The following CHCHD3 variants were observed in gnomAD, a reference collection of about 807,000 sequenced individuals.
The protein encoded by CHCHD3 is coiled-coil-helix-coiled-coil-helix domain containing 3, also known as MICOS complex subunit MIC19.
CHCHD3 carries 20 observed loss-of-function variants against 38.2 expected under a neutral mutation model. The ratio of observed to expected loss-of-function variants is 0.52; its 90% CI spans 0.37 to 0.76. CHCHD3 has a LOEUF of 0.76. Ranked by LOEUF, CHCHD3 falls within the 30% of genes least tolerant of loss-of-function variation. The probability of loss-of-function intolerance (pLI) is 0.00; values close to 1 mark genes in which losing one functional copy is unlikely to be tolerated. For synonymous variants in CHCHD3, 82 were observed against 100.0 expected (o/e 0.82, Z 1.07); for missense variants, 245 against 279.2 (o/e 0.88, Z 0.87).
At chr7:132,875,566 G>A (rs1808874876) in intron 5 of CHCHD3, among the ~76,000 whole-genome samples, 1 of 152,110 alleles carries the variant, frequency 6.6e-6, no homozygotes, top group Admixed American at 6.6e-5. Flanking sequence ...TAGTAAAAAG[G>A]TAGTGTTCTT....
chr7:132,866,973 G>A (rs977253462), intron 5 of CHCHD3, among the ~76,000 whole-genome samples: 2 of 152,082 alleles, frequency 1.3e-5, no homozygotes, highest in Non-Finnish European at 2.9e-5. Context: ...TCTAATCGGA[G>A]GCCTCGCTAT....
intron 4 of CHCHD3, among the ~76,000 whole-genome samples, chr7:132,900,982 C>T (rs1290106302): frequency 2.0e-5 from 3 of 152,120 alleles, no homozygotes; most frequent in East Asian, 1.9e-4. Flanking sequence ...CAGAGCAAGC[C>T]TCCCTCTCAA....
intron 2 of CHCHD3, among the ~76,000 whole-genome samples, chr7:133,069,262 T>C (rs1814753047): frequency 7.7e-6 from 1 of 129,700 alleles, no homozygotes; most frequent in African/African-American, 2.9e-5. Context: ...CCTCTAAACG[T>C]ATCAGAAGCT....
intron 7 of CHCHD3, among the ~76,000 whole-genome samples, chr7:132,795,719 C>G (rs553844055): frequency 1.3e-5 from 2 of 152,176 alleles, no homozygotes; most frequent in African/African-American, 4.8e-5. Flanking sequence ...CAATTTCTGC[C>G]TCTCAGAACA....
intron 4 of CHCHD3, among the ~76,000 whole-genome samples, chr7:132,970,283 G>T (rs1322540327): frequency 1.3e-5 from 2 of 152,102 alleles, no homozygotes; most frequent in African/African-American, 4.8e-5. Flanking sequence ...CAGCTCAGGG[G>T]TCCTTTCCCC....
At chr7:132,790,011 T>C (rs1424752084) in intron 7 of CHCHD3, among the ~76,000 whole-genome samples, 1 of 152,230 alleles carries the variant, frequency 6.6e-6, no homozygotes, top group African/African-American at 2.4e-5. Flanking sequence ...ATTGAATTTA[T>C]GGGAAGCACA....
chr7:132,942,503 TTAA>T (rs1348426026), intron 4 of CHCHD3, among the ~76,000 whole-genome samples: 1 of 152,190 alleles, frequency 6.6e-6, no homozygotes, highest in Non-Finnish European at 1.5e-5. Flanking sequence ...TTACTCAGTG[TTAA>T]TAATTGCAAT....
intron 4 of CHCHD3, among the ~76,000 whole-genome samples, chr7:132,967,560 G>A (rs1446492437): frequency 6.6e-6 from 1 of 152,042 alleles, no homozygotes; most frequent in Non-Finnish European, 1.5e-5. Flanking sequence ...GGAGGCAAAG[G>A]AGGGAGGATC....
intron 4 of CHCHD3, among the ~76,000 whole-genome samples, chr7:132,902,681 G>C (rs1585621774): frequency 6.6e-6 from 1 of 152,168 alleles, no homozygotes; most frequent in African/African-American, 2.4e-5. Flanking sequence ...GGTAGGGGGA[G>C]TGGGGAGGGA....
chr7:132,812,826 C>T (rs116056039), intron 6 of CHCHD3, among the ~76,000 whole-genome samples: 2,035 of 152,302 alleles, frequency 0.013, 47 homozygotes, highest in African/African-American at 0.047. Flanking sequence ...TCTCTCTCTA[C>T]GACACTTTCT....
chr7:132,805,088 G>A (rs1806881471), intron 6 of CHCHD3, among the ~76,000 whole-genome samples: 1 of 152,248 alleles, frequency 6.6e-6, no homozygotes, highest in Admixed American at 6.5e-5. Flanking sequence ...GGACATCAGA[G>A]CTGTGCCACT....
At chr7:132,814,663 T>A (rs1298478384) in intron 6 of CHCHD3, among the ~76,000 whole-genome samples, 1 of 152,234 alleles carries the variant, frequency 6.6e-6, no homozygotes, top group East Asian at 1.9e-4. Context: ...GCCTTACACA[T>A]CATAAAATCA....
chr7:132,919,403 GC>G (rs1810204615), intron 4 of CHCHD3, among the ~76,000 whole-genome samples: 1 of 152,080 alleles, frequency 6.6e-6, no homozygotes, highest in South Asian at 2.1e-4. Context: ...GAGCCACTGT[GC>G]CCGGCCATAG....
chr7:132,939,895 A>G (rs1810723046), intron 4 of CHCHD3, among the ~76,000 whole-genome samples: 3 of 152,222 alleles, frequency 2.0e-5, no homozygotes, highest in African/African-American at 7.2e-5. Context: ...CCCGGAGCCT[A>G]TCAACTAATA....
chr7:133,038,665 C>G (rs1007460702), intron 2 of CHCHD3, among the ~76,000 whole-genome samples: 2 of 152,116 alleles, frequency 1.3e-5, no homozygotes, highest in African/African-American at 4.8e-5. Context: ...TGAGGTTAAG[C>G]TAAGTCAGAT....
intron 3 of CHCHD3, among the ~76,000 whole-genome samples, chr7:132,997,159 C>T (rs916902634): frequency 6.6e-6 from 1 of 152,134 alleles, no homozygotes; most frequent in East Asian, 1.9e-4. Context: ...ATTCACTATG[C>T]CACCTTCATT....
At chr7:132,846,906 AT>A (rs1172886991) in intron 5 of CHCHD3, among the ~76,000 whole-genome samples, 1 of 152,268 alleles carries the variant, frequency 6.6e-6, no homozygotes, top group Non-Finnish European at 1.5e-5. Flanking sequence ...TTCAACTACA[AT>A]AATAGTACAG....
chr7:132,986,424 G>GAAAAAAAAA (rs59151340), intron 3 of CHCHD3, among the ~76,000 whole-genome samples: 1 of 131,268 alleles, frequency 7.6e-6, no homozygotes, highest in African/African-American at 2.8e-5. Flanking sequence ...AAAGAAAAAA[G>GAAAAAAAAA]AAAAAAAAAA....
chr7:132,928,472 G>A (rs1810431076), intron 4 of CHCHD3, among the ~76,000 whole-genome samples: 1 of 152,050 alleles, frequency 6.6e-6, no homozygotes. Flanking sequence ...CAAGGTGGGT[G>A]GATCACCTGA....
Sources: allele counts gnomAD v4.1 joint callset (sites outside exome capture counted in the v4.1 genomes callset), GRCh38; gene constraint gnomAD v4.1.1; transcripts MANE v1.5; gene names NCBI Gene and HGNC (gene_info 2026-07-23, HGNC 2026-07-21).